CACNG4: variants seen among roughly 807,000 people sequenced by gnomAD.
The protein encoded by CACNG4 is voltage-dependent calcium channel gamma-4 subunit.
CACNG4 carries 8 observed loss-of-function variants against 22.9 expected under a neutral mutation model. The ratio of observed to expected loss-of-function variants is 0.35; its 90% CI spans 0.21 to 0.63. CACNG4 has a LOEUF of 0.63. Ranked by LOEUF, CACNG4 falls within the 30% of genes least tolerant of loss-of-function variation. The probability of loss-of-function intolerance (pLI) is 0.72; values close to 1 mark genes in which losing one functional copy is unlikely to be tolerated. For missense variants in CACNG4, 357 were observed against 455.4 expected (o/e 0.78, Z 1.97); for synonymous variants, 188 against 191.9 (o/e 0.98, Z 0.17).
intron 3 of CACNG4, among the ~76,000 whole-genome samples, chr17:67,028,990 C>T (rs922073907): frequency 6.6e-6 from 1 of 152,196 alleles, no homozygotes; most frequent in Non-Finnish European, 1.5e-5. Flanking sequence ...AATGTAATAT[C>T]CTGAATCCAT....
chr17:67,020,160 C>T (rs541524269), intron 2 of CACNG4: 1 of 152,590 alleles, frequency 6.6e-6, no homozygotes, highest in African/African-American at 2.4e-5. Flanking sequence ...ACCCCTTCAC[C>T]TGCAGCTGGG....
At chr17:66,982,325 A>C (rs2035281607) in intron 1 of CACNG4, among the ~76,000 whole-genome samples, 1 of 152,118 alleles carries the variant, frequency 6.6e-6, no homozygotes, top group Non-Finnish European at 1.5e-5. Flanking sequence ...CAGAGTGCTG[A>C]TTGATCTATT....
chr17:66,998,144 A>G (rs559629211), intron 1 of CACNG4, among the ~76,000 whole-genome samples: 1 of 152,324 alleles, frequency 6.6e-6, no homozygotes, highest in South Asian at 2.1e-4. Context: ...GACTCCATCT[A>G]TGCCGCAAAT....
chr17:66,977,424 G>A (rs936488160), intron 1 of CACNG4, among the ~76,000 whole-genome samples: 8 of 152,196 alleles, frequency 5.3e-5, no homozygotes, highest in Non-Finnish European at 7.3e-5. Context: ...TCAATAGGAC[G>A]GGGGTTGTGG....
At chr17:66,998,662 G>A (rs1010027470) in intron 1 of CACNG4, among the ~76,000 whole-genome samples, 1 of 152,182 alleles carries the variant, frequency 6.6e-6, no homozygotes, top group Non-Finnish European at 1.5e-5. Flanking sequence ...GTCAGTGCCT[G>A]GCTGAGCTCA....
At chr17:66,996,131 G>A (rs1394785011) in intron 1 of CACNG4, among the ~76,000 whole-genome samples, 1 of 152,156 alleles carries the variant, frequency 6.6e-6, no homozygotes, top group Non-Finnish European at 1.5e-5. Flanking sequence ...TCATTCCAGT[G>A]GCATCTTGTG....
At chr17:66,985,144 C>G (rs28420352) in intron 1 of CACNG4, among the ~76,000 whole-genome samples, 6 of 152,292 alleles carry the variant, frequency 3.9e-5, no homozygotes, top group Non-Finnish European at 8.8e-5. Flanking sequence ...TCCCACCACC[C>G]GCCCTCATCC....
Position 67,030,822 on chromosome 17 carries a change from G to T in CACNG4, c.802G>T (p.Ala268Ser). The T allele has an allele frequency of 6.2e-7, 1 of 1,613,962 alleles. No homozygotes were observed. The highest frequency in any genetic ancestry group is 8.5e-7 in the Non-Finnish European group (1 of 1,180,014). The change falls in exon 4 of 4, where the codon GCC (alanine) becomes TCC (serine). Residue 268 changes from alanine to serine, a missense_variant. Physicochemically the swap from Ala to Ser is moderately conservative, Grantham distance 99 (BLOSUM62 1). Around this residue, in one of 3 missense-constraint regions of CACNG4, gnomAD observed 240 missense variants for 277.6 expected, o/e 0.86. Coordinates refer to ENST00000262138, the MANE Select transcript of CACNG4 (RefSeq NM_014405.4). The surrounding 1 kb of genome is among the most constrained non-coding windows in gnomAD (Gnocchi z 6.4). ...GCCCATGGGCCTGAAGATCACAGGG[G>T]CCATCCCCATGGGGGAGCTGTCCAT... ...VSPMGLKITG[A>S]IPMGELSMYT...
intron 1 of CACNG4, among the ~76,000 whole-genome samples, chr17:66,972,519 G>A (rs2035210834): frequency 6.6e-6 from 1 of 152,236 alleles, no homozygotes; most frequent in South Asian, 2.1e-4. Flanking sequence ...CTGCCCCCAT[G>A]GAGAACCTCT....
At chr17:66,989,626 T>C (rs909803145) in intron 1 of CACNG4, among the ~76,000 whole-genome samples, 1 of 151,618 alleles carries the variant, frequency 6.6e-6, no homozygotes, top group African/African-American at 2.4e-5. Context: ...AGGAGATTAA[T>C]TCAGCCTTGC....
At chr17:67,007,779 A>G (rs2035446146) in intron 1 of CACNG4, among the ~76,000 whole-genome samples, 2 of 152,234 alleles carry the variant, frequency 1.3e-5, no homozygotes, top group African/African-American at 4.8e-5. Flanking sequence ...CCTTAAACAT[A>G]GTAGGAGTTC....
chr17:67,006,390 C>T (rs2143334794), intron 1 of CACNG4, among the ~76,000 whole-genome samples: 1 of 152,308 alleles, frequency 6.6e-6, no homozygotes, highest in Non-Finnish European at 1.5e-5. Flanking sequence ...AATCCAGTCT[C>T]CTTACAGGAC....
At chr17:66,974,432 C>G (rs1018049487) in intron 1 of CACNG4, among the ~76,000 whole-genome samples, 1 of 152,072 alleles carries the variant, frequency 6.6e-6, no homozygotes, top group Non-Finnish European at 1.5e-5. Context: ...AGAGGCCAGG[C>G]TTTGGGGTTG....
At chr17:66,991,678 C>A (rs1440630374) in intron 1 of CACNG4, among the ~76,000 whole-genome samples, 1 of 152,138 alleles carries the variant, frequency 6.6e-6, no homozygotes, top group Non-Finnish European at 1.5e-5. Context: ...GGATTCAGCC[C>A]CCAGATATTA....
At chr17:66,970,267 T>C (rs1428123661) in intron 1 of CACNG4, among the ~76,000 whole-genome samples, 1 of 152,190 alleles carries the variant, frequency 6.6e-6, no homozygotes, top group African/African-American at 2.4e-5. Context: ...TCCTTTATAT[T>C]GGAACCATGC....
intron 1 of CACNG4, among the ~76,000 whole-genome samples, chr17:67,009,272 T>C (rs2035454629): frequency 6.6e-6 from 1 of 152,184 alleles, no homozygotes. Context: ...CAGTGTATGA[T>C]ACTTCGTTAA....
At chr17:66,988,861 C>T (rs1443698459) in intron 1 of CACNG4, among the ~76,000 whole-genome samples, 4 of 152,030 alleles carry the variant, frequency 2.6e-5, no homozygotes, top group African/African-American at 4.8e-5. Context: ...GAATTCAAGA[C>T]CAGCCTGACC....
chr17:67,009,017 G>A (rs2035453137), intron 1 of CACNG4, among the ~76,000 whole-genome samples: 1 of 152,106 alleles, frequency 6.6e-6, no homozygotes, highest in Non-Finnish European at 1.5e-5. Context: ...ATGAAAAGGG[G>A]AACTTTGGAC....
In CACNG4 at chr17:67,018,191, A is replaced by T; in HGVS notation, c.223A>T (p.Ile75Phe). ...GLWRVCCIEGIYKGHCFRINH... is the reference protein window; with the variant it reads ...GLWRVCCIEGFYKGHCFRINH... ...TCTTTTCCTCTCGTTCCTTCCAGGG[A>T]TCTATAAAGGGCACTGCTTCCGGAT... is the stretch of plus-strand genomic sequence containing the variant. The change falls in exon 2 of 4, where the codon ATC (isoleucine) becomes TTC (phenylalanine). Residue 75 changes from isoleucine (I) to phenylalanine (F), a missense_variant and splice_region_variant. Transcript: ENST00000262138. 3.1e-6 allele frequency: 5 copies of T among 1,612,812 alleles called. No individual in the cohort carries two copies. The highest frequency in any genetic ancestry group is 4.2e-6 in the Non-Finnish European group (5 of 1,178,892).
Sources: allele counts gnomAD v4.1 joint callset (sites outside exome capture counted in the v4.1 genomes callset), GRCh38; gene constraint gnomAD v4.1.1; regional missense constraint gnomAD v4.1.1; non-coding constraint Gnocchi (gnomAD v3.1); transcripts MANE v1.5; gene names NCBI Gene and HGNC (gene_info 2026-07-23, HGNC 2026-07-21).